GPC6: variants seen among roughly 807,000 people sequenced by gnomAD.
GPC6 encodes the protein glypican 6, also known as glypican-6.
Under a neutral mutation model 55.2 loss-of-function variants are expected in GPC6, and 14 were observed. That is an observed-to-expected ratio of 0.25 (90% CI 0.17 to 0.40). The LOEUF (loss-of-function observed/expected upper bound fraction) is 0.40, where lower values mean the gene tolerates loss of function less well. GPC6 is among the 10% of genes least tolerant of loss of function. The probability of loss-of-function intolerance (pLI) is 1.00; values close to 1 mark genes in which losing one functional copy is unlikely to be tolerated. For missense variants in GPC6, 641 were observed against 708.5 expected, an observed-to-expected ratio of 0.90 and a Z score of 1.08; for synonymous variants, 278 against 259.6, an observed-to-expected ratio of 1.07 and a Z score of -0.68.
chr13:93,749,739 T>C (rs1242564870), intron 2 of GPC6, among the ~76,000 whole-genome samples: 1 of 152,076 alleles, frequency 6.6e-6, no homozygotes, highest in Non-Finnish European at 1.5e-5. Context: ...TAAACTGATA[T>C]TACCCCCAAA....
At chr13:94,393,250 G>A (rs1880743792) in intron 7 of GPC6, among the ~76,000 whole-genome samples, 1 of 152,046 alleles carries the variant, frequency 6.6e-6, no homozygotes, top group South Asian at 2.1e-4. Flanking sequence ...TCTCCAGTGG[G>A]GTCTGGGGTT....
chr13:94,030,439 T>A (rs1181920670), intron 4 of GPC6, among the ~76,000 whole-genome samples: 3 of 152,224 alleles, frequency 2.0e-5, no homozygotes, highest in Non-Finnish European at 2.9e-5. Flanking sequence ...GTGCTCTTGC[T>A]AATACTTGTC....
chr13:93,612,504 C>CACACAA (rs1878521627), intron 2 of GPC6, among the ~76,000 whole-genome samples: 1 of 126,448 alleles, frequency 7.9e-6, no homozygotes, highest in African/African-American at 3.4e-5. Flanking sequence ...GTCTAAAACA[C>CACACAA]ACACACACAC....
chr13:93,965,436 C>T (rs745332578), intron 3 of GPC6, among the ~76,000 whole-genome samples: 5 of 151,900 alleles, frequency 3.3e-5, no homozygotes, highest in African/African-American at 7.3e-5. Flanking sequence ...TAAATAACCA[C>T]GAATACTTTG....
At chr13:93,631,243 C>T (rs2139571646) in intron 2 of GPC6, among the ~76,000 whole-genome samples, 1 of 152,240 alleles carries the variant, frequency 6.6e-6, no homozygotes, top group East Asian at 1.9e-4. Context: ...ATCCCAGGTA[C>T]AACCCAGGAA....
At chr13:93,747,147 A>G (rs1255061871) in intron 2 of GPC6, among the ~76,000 whole-genome samples, 3 of 152,184 alleles carry the variant, frequency 2.0e-5, no homozygotes, top group Non-Finnish European at 4.4e-5. Context: ...AGAAGAAAGA[A>G]GTAAAGAAGT....
At chr13:94,335,809 C>T (rs902747730) in intron 6 of GPC6, among the ~76,000 whole-genome samples, 6 of 150,248 alleles carry the variant, frequency 4.0e-5, no homozygotes, top group African/African-American at 1.5e-4. Flanking sequence ...TTAGGGAGAA[C>T]ATCCATGCCA....
chr13:93,743,559 C>T (rs1383909886), intron 2 of GPC6, among the ~76,000 whole-genome samples: 1 of 151,766 alleles, frequency 6.6e-6, no homozygotes, highest in Non-Finnish European at 1.5e-5. Flanking sequence ...TAGGTTTTTG[C>T]TTTAAAAAAA....
chr13:93,629,820 T>C (rs909802965), intron 2 of GPC6, among the ~76,000 whole-genome samples: 2 of 152,228 alleles, frequency 1.3e-5, no homozygotes, highest in African/African-American at 4.8e-5. Flanking sequence ...TTTTCTTTCT[T>C]GACAAGAGTA....
chr13:94,288,593 TC>T (rs1874672817), intron 5 of GPC6, among the ~76,000 whole-genome samples: 1 of 150,672 alleles, frequency 6.6e-6, no homozygotes, highest in Non-Finnish European at 1.5e-5. Context: ...TCTCTCTCTC[TC>T]TCAGCTCCTT....
intron 2 of GPC6, among the ~76,000 whole-genome samples, chr13:93,790,433 C>A (rs1260524063): frequency 6.6e-6 from 1 of 152,052 alleles, no homozygotes; most frequent in Non-Finnish European, 1.5e-5. Flanking sequence ...TTTCCAATTC[C>A]AGTGAACAGA....
intron 1 of GPC6, among the ~76,000 whole-genome samples, chr13:93,384,709 G>A (rs1007982288): frequency 2.0e-5 from 3 of 152,200 alleles, no homozygotes; most frequent in Admixed American, 1.3e-4. Context: ...TTGAAGATTT[G>A]AGTGGTGAAA....
At chr13:93,554,965 A>G (rs12868099) in intron 2 of GPC6, among the ~76,000 whole-genome samples, 1,616 of 152,326 alleles carry the variant, frequency 0.011, 17 homozygotes, top group Non-Finnish European at 0.017. Flanking sequence ...CAGTCTTCAC[A>G]CTGTTTCCTC....
At position 93,960,449 on chromosome 13, in the gene GPC6, C is replaced by T. The variant is rs1879714645; in HGVS notation, c.712-67280C>T. On this transcript the variant is annotated intron_variant, in intron 3 of 8. Coordinates refer to ENST00000377047, the MANE Select transcript of GPC6 (RefSeq NM_005708.5). Reference sequence around the variant, plus strand: ...ACACCACAGTCAGAAAGTCCTATGACTTAGGACTTAGTTCTCTGCTAAAAT... The same window carrying T: ...ACACCACAGTCAGAAAGTCCTATGATTTAGGACTTAGTTCTCTGCTAAAAT... 2.6e-5 allele frequency among the ~76,000 whole-genome samples: 4 copies of T among 152,216 alleles called. No homozygotes were observed. In the South Asian group the frequency reaches 8.3e-4, roughly 32 times the overall value.
intron 1 of GPC6, among the ~76,000 whole-genome samples, chr13:93,515,509 G>A (rs2813598): frequency 0.94 from 143,151 of 151,982 alleles, 67,994 homozygotes; most frequent in East Asian, 1. Flanking sequence ...TCCACCAATG[G>A]CTAACTTCAG....
At chr13:93,929,640 G>A (rs984219705) in intron 3 of GPC6, among the ~76,000 whole-genome samples, 2 of 151,950 alleles carry the variant, frequency 1.3e-5, no homozygotes, top group Admixed American at 6.6e-5. Context: ...AGACCTTCTT[G>A]CCCTGAAGGA....
chr13:94,273,308 C>T (rs1892102606), intron 4 of GPC6, among the ~76,000 whole-genome samples: 1 of 152,100 alleles, frequency 6.6e-6, no homozygotes, highest in African/African-American at 2.4e-5. Flanking sequence ...GCAGAAAGAC[C>T]ATCTAAGCTG....
intron 2 of GPC6, among the ~76,000 whole-genome samples, chr13:93,589,293 A>G (rs1354162832): frequency 2.6e-5 from 4 of 152,124 alleles, no homozygotes; most frequent in African/African-American, 9.7e-5. Context: ...TTTCAAACAT[A>G]CAAAAACATT....
chr13:94,114,887 C>T (rs1886380270), intron 4 of GPC6, among the ~76,000 whole-genome samples: 1 of 151,782 alleles, frequency 6.6e-6, no homozygotes, highest in Non-Finnish European at 1.5e-5. Flanking sequence ...TTCCATTTTG[C>T]AGGTTTAGAA....
Sources: gnomAD v4.1 joint callset for allele counts (sites outside exome capture counted in the v4.1 genomes callset) on GRCh38, gnomAD v4.1.1 for gene constraint, MANE v1.5 for transcripts, NCBI Gene and HGNC (gene_info 2026-07-23, HGNC 2026-07-21) for gene names.